ATP4A: variants seen among roughly 807,000 people sequenced by gnomAD.
ATP4A encodes the protein potassium-transporting ATPase alpha chain 1.
Under a neutral mutation model 112.1 loss-of-function variants are expected in ATP4A, and 73 were observed. That is an observed-to-expected ratio of 0.65 (90% CI 0.54 to 0.79). The LOEUF (loss-of-function observed/expected upper bound fraction) is 0.79. Ranked by LOEUF, ATP4A falls within the 30% of genes least tolerant of loss-of-function variation. The pLI is 0.00. For missense variants in ATP4A, 1,081 were observed against 1,425.9 expected, an observed-to-expected ratio of 0.76 and a Z score of 3.90; for synonymous variants, 588 against 588.9, an observed-to-expected ratio of 1.00 and a Z score of 0.02.
At position 35,558,773 on chromosome 19, in the gene ATP4A, G is replaced by GC; in HGVS notation, c.1256-88dup. ...CCCTCCTCCTAGGCTCATATCGCGGGCCCCCTCCCCAGACCTGGGTGGAAT... is the reference window on the plus strand; with the variant it reads ...CCCTCCTCCTAGGCTCATATCGCGGGCCCCCCTCCCCAGACCTGGGTGGAAT... On this transcript the variant is annotated intron_variant, in intron 8 of 21. Transcript: ENST00000262623. This position sits in a 1 kb window ranked among gnomAD's most constrained non-coding sequence, Gnocchi z 5.1. 7.1e-7 allele frequency: 1 copy of GC among 1,403,282 alleles called. No individual in the cohort carries two copies. The highest frequency in any genetic ancestry group is 9.5e-7 in the Non-Finnish European group (1 of 1,048,724). The allele number at this position is 1,403,282 out of a possible 1,614,324, so 86.9% of individuals were successfully genotyped here. A position where few individuals can be genotyped will look rare whatever the true frequency, so the allele number is the denominator to read the frequency against.
Position 35,557,535 on chromosome 19 carries a change from G to T in ATP4A, c.1693+120C>A. On this transcript the variant is annotated intron_variant, in intron 11 of 21. Coordinates refer to ENST00000262623, the MANE Select transcript of ATP4A (RefSeq NM_000704.3). This position sits in a 1 kb window ranked among gnomAD's most constrained non-coding sequence, Gnocchi z 4.4. ...AAAGTCAAGGGTGAGGCTGTGGACT[G>T]CGACAAATCAGCCAGCAGCCAGGGA... is the stretch of plus-strand genomic sequence containing the variant. The T allele has an allele frequency of 2.4e-6, 3 of 1,249,026 alleles. No individual in the cohort carries two copies. Among genetic ancestry groups the T allele is most frequent in the African/African-American group, 1.5e-5 (1 of 66,664 alleles). 77.4% of individuals were successfully genotyped at this position (1,249,026 alleles called of 1,614,324 possible). A position where few individuals can be genotyped will look rare whatever the true frequency, so the allele number is the denominator to read the frequency against.
chr19:35,556,337 G>A (rs1174460642), intron 12 of ATP4A, among the ~76,000 whole-genome samples: 1 of 152,206 alleles, frequency 6.6e-6, no homozygotes, highest in Non-Finnish European at 1.5e-5. Context: ...AAGGCCCGAT[G>A]TAACAGGGCC....
At position 35,560,453 on chromosome 19, in the gene ATP4A, A is replaced by G. The variant is rs749979299; in HGVS notation, c.697T>C (p.Ser233Pro). 1.1e-5 allele frequency: 18 copies of G among 1,613,222 alleles called. No homozygotes were observed. The highest frequency in any genetic ancestry group is 1.5e-5 in the Non-Finnish European group (18 of 1,179,912). Residue 233 changes from serine to proline, a missense_variant, in exon 6 of 22, where the codon TCT becomes CCT. By Grantham distance (74) the Ser-to-Pro change is moderately conservative (BLOSUM62 -1). Transcript: ENST00000262623. The surrounding 1 kb of genome is among the most constrained non-coding windows in gnomAD (Gnocchi z 5.1). ...KVDNSSLTGE[S>P]EPQTRSPECT... is the part of the protein sequence containing the mutation. The stretch of plus-strand genomic sequence containing the variant: ...TCGGGTGAGCGGGTCTGTGGCTCAG[A>G]CTCCCCTGTCAGCGAGGAGTTGTCC...
At position 35,558,141 on chromosome 19, in the gene ATP4A, T is replaced by G; in HGVS notation, c.1500+221A>C. On this transcript the variant is annotated intron_variant, in intron 10 of 21. Coordinates refer to ENST00000262623, the MANE Select transcript of ATP4A (RefSeq NM_000704.3). This position sits in a 1 kb window ranked among gnomAD's most constrained non-coding sequence, Gnocchi z 5.1. ...GATTTGGAGAGCGAGGTGCTCCCCA[T>G]GGACAGTCCCGCCGAGGAGAAGCTG... The G allele has an allele frequency of 4.5e-6, 3 of 665,486 alleles. No individual in the cohort carries two copies. The highest frequency in any genetic ancestry group is 1.9e-5 in the South Asian group (1 of 51,340). 41.2% of individuals were successfully genotyped at this position (665,486 alleles called of 1,614,324 possible).
chr19:35,560,405 C>T lies in ATP4A; in HGVS notation c.745G>A (p.Glu249Lys). 1.2e-6 allele frequency: 2 copies of T among 1,614,024 alleles called. No homozygotes were observed. The highest frequency in any genetic ancestry group is 8.5e-7 in the Non-Finnish European group (1 of 1,180,002). Residue 249 changes from glutamate to lysine, a missense_variant, in exon 6 of 22, where the codon GAG (glutamate) becomes AAG (lysine). Coordinates refer to ENST00000262623, the MANE Select transcript of ATP4A (RefSeq NM_000704.3). This position sits in a 1 kb window ranked among gnomAD's most constrained non-coding sequence, Gnocchi z 5.1. ...GAGAAGAAGGCGATGTTGCGGGTCTCCAGAGGGCTCTCGTGCGTGCACTCG... is the reference window on the plus strand; with the variant it reads ...GAGAAGAAGGCGATGTTGCGGGTCTTCAGAGGGCTCTCGTGCGTGCACTCG... ...SPECTHESPL[E>K]TRNIAFFSTM...
chr19:35,555,293 G>A lies in ATP4A; in HGVS notation c.2199C>T (p.Ser733=). 1 of 1,614,168 alleles carries A rather than the reference G, an allele frequency of 6.2e-7. No homozygotes were observed. The highest frequency in any genetic ancestry group is 8.5e-7 in the Non-Finnish European group (1 of 1,180,022). ...CGATGTCTGCCTTCTTCAGAGCTGGGGAGTCATTCACACCATCCCCCGTGA... is the reference window on the plus strand; with the variant it reads ...CGATGTCTGCCTTCTTCAGAGCTGGAGAGTCATTCACACCATCCCCCGTGA... ...VAVTGDGVND[S]PALKKADIGV... is the part of the protein sequence containing the mutation. Residue 733 remains serine, a synonymous_variant, in exon 15 of 22, where the codon TCC becomes TCT. Transcript: ENST00000262623. The surrounding 1 kb of genome is among the most constrained non-coding windows in gnomAD (Gnocchi z 6.6).
Position 35,559,199 on chromosome 19 carries a change from AG to A in ATP4A, c.1057-9del. The A allele has an allele frequency of 6.2e-7, 1 of 1,613,484 alleles. No homozygotes were observed. Among genetic ancestry groups the A allele is most frequent in the Non-Finnish European group, 8.5e-7 (1 of 1,179,894 alleles). On this transcript the variant is annotated splice_polypyrimidine_tract_variant and intron_variant, in intron 7 of 21. Transcript: ENST00000262623. This position sits in a 1 kb window ranked among gnomAD's most constrained non-coding sequence, Gnocchi z 4.1. ...TGTCAGGGACAGGCAGACCTGGGGA[AG>A]GGGTGAGCACCGCAGGCTGGGGACC...
intron 18 of ATP4A, among the ~76,000 whole-genome samples, chr19:35,552,646 G>A (rs2071607941): frequency 6.6e-6 from 1 of 152,190 alleles, no homozygotes; most frequent in African/African-American, 2.4e-5. Flanking sequence ...TCGTCTGTAT[G>A]TAACTCTACA....
At chr19:35,553,921 A>C (rs1336759717) in intron 16 of ATP4A, 92 bp from the exon 17 acceptor site, 1 of 1,489,656 alleles carries the variant, frequency 6.7e-7, no homozygotes, top group Non-Finnish European at 9.0e-7. Flanking sequence ...TGTGAGCAGG[A>C]ACAGGACTGA....
chr19:35,561,830 G>T (rs888947314), intron 4 of ATP4A, among the ~76,000 whole-genome samples: 43 of 144,388 alleles, frequency 3.0e-4, no homozygotes, highest in African/African-American at 1.1e-3. Flanking sequence ...CATGTCCTCT[G>T]CTTCCAAGTC....
rs777090356 is a variant in ATP4A, at chr19:35,557,675, C to T, written c.1673G>A (p.Gly558Asp). ...CTCACCGAGCACGCGTTCGCCCAGGCCTCCCAGGCTGAGGTAGGCGGTCTG... is the reference window on the plus strand; with the variant it reads ...CTCACCGAGCACGCGTTCGCCCAGGTCTCCCAGGCTGAGGTAGGCGGTCTG... ...AFQTAYLSLG[G>D]LGERVLGFCQ... The change falls in exon 11 of 22, where the codon GGC becomes GAC. Residue 558 changes from glycine (G) to aspartate (D), a missense_variant. Physicochemically the swap from Gly to Asp is moderately conservative, Grantham distance 94. Coordinates refer to ENST00000262623, the MANE Select transcript of ATP4A (RefSeq NM_000704.3). The surrounding 1 kb of genome is among the most constrained non-coding windows in gnomAD (Gnocchi z 4.4). 3.5e-5 allele frequency: 57 copies of T among 1,608,472 alleles called. No homozygotes were observed. The highest frequency in any genetic ancestry group is 4.7e-5 in the Non-Finnish European group (55 of 1,178,388).
Position 35,554,899 on chromosome 19 carries a change from G to A in ATP4A, c.2481+23C>T, listed in dbSNP as rs773923127. The A allele has an allele frequency of 8.1e-6, 13 of 1,613,648 alleles. No homozygotes were observed. The South Asian group carries it at 1.2e-4, about 15-fold the overall frequency. ...AGTGTCTCTGGGCACCCTGTGGATG[G>A]GTACCCTGGGCTGTGGACTTACAAT... On this transcript the variant is annotated intron_variant, in intron 16 of 21. Coordinates refer to ENST00000262623, the MANE Select transcript of ATP4A (RefSeq NM_000704.3).
At position 35,560,663 on chromosome 19, in the gene ATP4A, G is replaced by GGGGGGGGGGGGGT; in HGVS notation, c.535-49_535-48insACCCCCCCCCCCC. On this transcript the variant is annotated intron_variant, in intron 5 of 21. Transcript: ENST00000262623. This position sits in a 1 kb window ranked among gnomAD's most constrained non-coding sequence, Gnocchi z 5.1. ...TTGAGGTGGACGGGGGTGGGGGTGG[G>GGGGGGGGGGGGGT]AGCTGCTGCATGTGGGGAGGTAAAG... 1.1e-6 allele frequency: 1 copy of GGGGGGGGGGGGGT among 883,958 alleles called. No individual in the cohort carries two copies. The highest frequency in any genetic ancestry group is 1.7e-5 in the African/African-American group (1 of 59,452). 54.8% of individuals were successfully genotyped at this position (883,958 alleles called of 1,614,324 possible).
Position 35,560,041 on chromosome 19 carries a change from C to G in ATP4A, c.820G>C (p.Asp274His), listed in dbSNP as rs368041237. ...TVQGLVVNTG[D>H]RTIIGRIASL... ...GCGATGCGCCCAATGATGGTGCGGT[C>G]GCCCGTGTTCACCACCAGGCCCTGC... Residue 274 changes from aspartate to histidine, a missense_variant, in exon 7 of 22, where the codon GAC (aspartate) becomes CAC (histidine). Asp to His is a moderately conservative substitution (Grantham distance 81). This residue lies in a region of ATP4A where 850 missense variants were observed against 1,068.2 expected (regional missense o/e 0.80). Coordinates refer to ENST00000262623, the MANE Select transcript of ATP4A (RefSeq NM_000704.3). This position sits in a 1 kb window ranked among gnomAD's most constrained non-coding sequence, Gnocchi z 5.1. The G allele has an allele frequency of 1.9e-6, 3 of 1,613,968 alleles. No homozygotes were observed. In the African/African-American group the frequency reaches 4.0e-5, roughly 22 times the overall value.
chr19:35,560,659 G>GGGGGGGGGGGCCACAAA lies in ATP4A; in HGVS notation c.535-45_535-44insTTTGTGGCCCCCCCCCC. On this transcript the variant is annotated intron_variant, in intron 5 of 21. Coordinates refer to ENST00000262623, the MANE Select transcript of ATP4A (RefSeq NM_000704.3). The surrounding 1 kb of genome is among the most constrained non-coding windows in gnomAD (Gnocchi z 5.1). Reference sequence around the variant, plus strand: ...AAAGTTGAGGTGGACGGGGGTGGGGGTGGGAGCTGCTGCATGTGGGGAGGT... The same window carrying GGGGGGGGGGGCCACAAA: ...AAAGTTGAGGTGGACGGGGGTGGGGGGGGGGGGGGGCCACAAATGGGAGCTGCTGCATGTGGGGAGGT... The GGGGGGGGGGGCCACAAA allele has an allele frequency of 6.4e-7, 1 of 1,556,016 alleles. No individual in the cohort carries two copies. Among genetic ancestry groups the GGGGGGGGGGGCCACAAA allele is most frequent in the East Asian group, 2.3e-5 (1 of 44,304 alleles).
At position 35,551,644 on chromosome 19, in the gene ATP4A, C is replaced by T. The variant is rs942661643; in HGVS notation, c.2752-64G>A. ...CCTGAGTCCCGGCGGAGAGCCTCTG[C>T]AGCCCACCGGGCATAGGGTCCCAGG... On this transcript the variant is annotated intron_variant, in intron 18 of 21. Transcript: ENST00000262623. The surrounding 1 kb of genome is among the most constrained non-coding windows in gnomAD (Gnocchi z 5.2). 7.0e-6 allele frequency: 11 copies of T among 1,568,256 alleles called. No individual in the cohort carries two copies. Among genetic ancestry groups the T allele is most frequent in the Middle Eastern group, 1.8e-4 (1 of 5,440 alleles).
At chr19:35,561,244 G>A (rs2071669071) in intron 4 of ATP4A, among the ~76,000 whole-genome samples, 1 of 152,008 alleles carries the variant, frequency 6.6e-6, no homozygotes, top group Non-Finnish European at 1.5e-5. Context: ...GCCTTGGTCT[G>A]ACGTGTTCCC....
chr19:35,550,898 G>C lies in ATP4A; in HGVS notation c.3015C>G (p.Pro1005=). The C allele has an allele frequency of 6.2e-7, 1 of 1,614,058 alleles. No individual in the cohort carries two copies. The part of the protein sequence containing the change: ...IRFQWWLVPL[P]YGILIFVYDE... ...CATAGACGAAGATGAGGATGCCGTA[G>C]GGCAGGGGGACCAGCCACCACTGGA... is the stretch of plus-strand genomic sequence containing the variant. Residue 1005 remains proline (P), a synonymous_variant, in exon 21 of 22, where the codon CCC becomes CCG. Transcript: ENST00000262623. This position sits in a 1 kb window ranked among gnomAD's most constrained non-coding sequence, Gnocchi z 4.1.
chr19:35,553,307 C>A, intron 17 of ATP4A, 125 bp from the exon 18 acceptor site: 2 of 1,141,666 alleles, frequency 1.8e-6, no homozygotes, highest in Middle Eastern at 2.1e-4. Context: ...GACAGGGACA[C>A]GGGAAGAGAG....
Sources: allele counts gnomAD v4.1 joint callset (sites outside exome capture counted in the v4.1 genomes callset), GRCh38; gene constraint gnomAD v4.1.1; regional missense constraint gnomAD v4.1.1; non-coding constraint Gnocchi (gnomAD v3.1); transcripts MANE v1.5; gene names NCBI Gene and HGNC (gene_info 2026-07-23, HGNC 2026-07-21).